CCDC88C: variants seen among roughly 807,000 people sequenced by gnomAD.
The protein encoded by CCDC88C is coiled-coil and HOOK domain protein 88C.
A neutral mutation model predicts 198.8 loss-of-function variants in CCDC88C; 131 were observed. The ratio of observed to expected loss-of-function variants is 0.66; its 90% confidence interval spans 0.57 to 0.76. The LOEUF (loss-of-function observed/expected upper bound fraction) is 0.76. Ranked by LOEUF, CCDC88C falls within the 30% of genes least tolerant of loss-of-function variation. The pLI is 0.00. For missense variants in CCDC88C, 2,553 were observed against 2,631.6 expected (o/e 0.97, Z 0.65); for synonymous variants, 1,166 against 1,114.7 (o/e 1.05, Z -0.92).
chr14:91,309,526 C>A (rs1455231724), intron 16 of CCDC88C, among the ~76,000 whole-genome samples: 3 of 149,834 alleles, frequency 2.0e-5, no homozygotes, highest in Admixed American at 1.3e-4. Context: ...TGGAGGATCG[C>A]TTGAACCCGG....
chr14:91,384,566 A>G (rs888516995), intron 3 of CCDC88C: 3 of 471,892 alleles, frequency 6.4e-6, no homozygotes, highest in South Asian at 4.5e-5. Flanking sequence ...AAAATAATAA[A>G]CCAAAAATTC....
chr14:91,318,902 G>C (rs535981190), intron 13 of CCDC88C, among the ~76,000 whole-genome samples: 1 of 131,408 alleles, frequency 7.6e-6, no homozygotes, highest in African/African-American at 2.8e-5. Flanking sequence ...CTGGACAACA[G>C]AGCGAGACTC....
At chr14:91,404,342 TG>T (rs1452544225) in intron 3 of CCDC88C, among the ~76,000 whole-genome samples, 1 of 152,108 alleles carries the variant, frequency 6.6e-6, no homozygotes, top group South Asian at 2.1e-4. Flanking sequence ...GTGAATCTGG[TG>T]TATGTGATGG....
At chr14:91,285,698 A>G (rs1266998147) in intron 25 of CCDC88C, 1 of 1,288,978 alleles carries the variant, frequency 7.8e-7, no homozygotes, top group Non-Finnish European at 1.0e-6. Context: ...GGAGAAAGAG[A>G]GAGGCTCGTT....
chr14:91,289,335 T>A lies in CCDC88C; in HGVS notation c.4211A>T (p.His1404Leu). The part of the protein sequence containing the change: ...FYDPPPKKKN[H>L]WIGAKALVKL... ...GACTAAGGCTTTGGCTCCAATCCAGTGGTTCTTCCTGGTTAGAAGTAGATG... is the reference window on the plus strand; with the variant it reads ...GACTAAGGCTTTGGCTCCAATCCAGAGGTTCTTCCTGGTTAGAAGTAGATG... The change falls in exon 25 of 30, where the codon CAC (histidine) becomes CTC (leucine). Residue 1404 changes from histidine (H) to leucine (L), a missense_variant. Physicochemically the swap from His to Leu is moderately conservative, Grantham distance 99. Around this residue, in one of 2 missense-constraint regions of CCDC88C, gnomAD observed 1,293 missense variants for 1,219.6 expected, o/e 1.06. Transcript: ENST00000389857. The A allele has an allele frequency of 6.2e-7, 1 of 1,613,750 alleles. No individual in the cohort carries two copies. The highest frequency in any genetic ancestry group is 2.2e-5 in the East Asian group (1 of 44,884).
At chr14:91,310,260 C>T (rs187526513) in intron 15 of CCDC88C, among the ~76,000 whole-genome samples, 1 of 151,928 alleles carries the variant, frequency 6.6e-6, no homozygotes, top group Non-Finnish European at 1.5e-5. Context: ...ATTTGAAATG[C>T]CACTTATGTT....
chr14:91,285,739 G>A (rs925659958), intron 25 of CCDC88C: 28 of 1,289,094 alleles, frequency 2.2e-5, no homozygotes, highest in Non-Finnish European at 2.7e-5. Context: ...AGGAAGACCA[G>A]AACCGCAGGC....
At chr14:91,391,841 A>T (rs1299294685) in intron 3 of CCDC88C, among the ~76,000 whole-genome samples, 1 of 152,022 alleles carries the variant, frequency 6.6e-6, no homozygotes, top group Non-Finnish European at 1.5e-5. Context: ...TCCTGAGTGT[A>T]CTATATTCCT....
chr14:91,391,258 A>C (rs1454188202), intron 3 of CCDC88C, among the ~76,000 whole-genome samples: 2 of 96,320 alleles, frequency 2.1e-5, no homozygotes, highest in Non-Finnish European at 2.8e-5. Context: ...AAAACAAAAC[A>C]AAAAAAAAAA....
intron 13 of CCDC88C, among the ~76,000 whole-genome samples, chr14:91,320,784 G>A (rs554500942): frequency 2.6e-5 from 4 of 152,320 alleles, no homozygotes; most frequent in South Asian, 2.1e-4. Flanking sequence ...GAGCAGTGGC[G>A]TGGAAGAGAA....
intron 3 of CCDC88C, among the ~76,000 whole-genome samples, chr14:91,365,813 C>T (rs1021439720): frequency 2.0e-5 from 3 of 152,158 alleles, no homozygotes; most frequent in African/African-American, 4.8e-5. Flanking sequence ...TAGAGAACAG[C>T]ACTCTAACAG....
At chr14:91,336,302 A>C (rs148996514) in intron 10 of CCDC88C, among the ~76,000 whole-genome samples, 8 of 152,188 alleles carry the variant, frequency 5.3e-5, no homozygotes, top group Non-Finnish European at 1.0e-4. Flanking sequence ...AGACGCGTCT[A>C]TGTGACTGAG....
At position 91,417,715 on chromosome 14, in the gene CCDC88C, G is replaced by C. The variant is rs1193458329; in HGVS notation, c.-25C>G. 7.4e-6 allele frequency: 11 copies of C among 1,489,006 alleles called. No homozygotes were observed. The highest frequency in any genetic ancestry group is 8.9e-6 in the Non-Finnish European group (10 of 1,121,168). The allele number at this position is 1,489,006 out of a possible 1,614,324, so 92.2% of individuals were successfully genotyped here. ...TGCTGAGGCTGCGCCCGCCGGCTCCGCGCCCCCCGCCCCGCGTCCCCGTTC... is the reference window on the plus strand; with the variant it reads ...TGCTGAGGCTGCGCCCGCCGGCTCCCCGCCCCCCGCCCCGCGTCCCCGTTC... On this transcript the variant is annotated 5_prime_UTR_variant, in exon 1 of 30. Coordinates refer to ENST00000389857, the MANE Select transcript of CCDC88C (RefSeq NM_001080414.4).
chr14:91,338,245 T>C lies in CCDC88C; in HGVS notation c.892-82A>G. ...GAAAGGCCATTGCCCTTCTGCATGG[T>C]GTCTCCACGACGGCCCAGGACAAGC... is the stretch of plus-strand genomic sequence containing the variant. On this transcript the variant is annotated intron_variant, in intron 9 of 29. Transcript: ENST00000389857. This position sits in a 1 kb window ranked among gnomAD's most constrained non-coding sequence, Gnocchi z 4.8. The C allele has an allele frequency of 6.5e-7, 1 of 1,531,584 alleles. No individual in the cohort carries two copies. The highest frequency in any genetic ancestry group is 8.9e-7 in the Non-Finnish European group (1 of 1,124,198). The allele number at this position is 1,531,584 out of a possible 1,614,324, so 94.9% of individuals were successfully genotyped here. A position where few individuals can be genotyped will look rare whatever the true frequency, so the allele number is the denominator to read the frequency against.
chr14:91,389,328 G>A (rs577637572), intron 3 of CCDC88C, among the ~76,000 whole-genome samples: 9 of 152,064 alleles, frequency 5.9e-5, no homozygotes, highest in African/African-American at 1.2e-4. Context: ...TGGCCTTCCC[G>A]GCTTCCCCAG....
intron 4 of CCDC88C, among the ~76,000 whole-genome samples, chr14:91,349,944 A>G (rs570075661): frequency 6.6e-6 from 1 of 152,340 alleles, no homozygotes; most frequent in East Asian, 1.9e-4. Context: ...CTCTGAGTCC[A>G]TGGCAGACAT....
chr14:91,394,839 AATCAGAGCGCATT>A (rs1176585890), intron 3 of CCDC88C, among the ~76,000 whole-genome samples: 1 of 152,210 alleles, frequency 6.6e-6, no homozygotes, highest in African/African-American at 2.4e-5. Context: ...AATCCAAATG[AATCAGAGCGCATT>A]ACTCCGGGAG....
intron 4 of CCDC88C, among the ~76,000 whole-genome samples, chr14:91,346,232 C>T (rs916994510): frequency 1.3e-4 from 20 of 152,174 alleles, no homozygotes; most frequent in Admixed American, 6.5e-4. Context: ...ACATCATTGT[C>T]AAGCCTCAGA....
chr14:91,360,251 TTCACACACAC>T (rs1472337562), intron 3 of CCDC88C, among the ~76,000 whole-genome samples: 1 of 48,268 alleles, frequency 2.1e-5, no homozygotes, highest in Non-Finnish European at 4.1e-5. Context: ...AGACCCCATC[TTCACACACAC>T]ACACACACAC....
Sources: allele counts gnomAD v4.1 joint callset (sites outside exome capture counted in the v4.1 genomes callset), GRCh38; gene constraint gnomAD v4.1.1; regional missense constraint gnomAD v4.1.1; non-coding constraint Gnocchi (gnomAD v3.1); transcripts MANE v1.5; gene names NCBI Gene and HGNC (gene_info 2026-07-23, HGNC 2026-07-21).